The following PPARGC1A variants were observed in gnomAD, a reference collection of about 807,000 sequenced individuals.
PPARGC1A encodes the protein PPARG coactivator 1 alpha, also known as peroxisome proliferator-activated receptor gamma coactivator 1-alpha.
A neutral mutation model predicts 88.7 loss-of-function variants in PPARGC1A; 25 were observed. The observed-to-expected ratio is 0.28, with a 90% CI of 0.21 to 0.39. The LOEUF is 0.39. Ranked by LOEUF, PPARGC1A falls within the 10% of genes least tolerant of loss-of-function variation. The pLI, the probability that PPARGC1A is intolerant of heterozygous loss-of-function variation, is 1.00. For missense variants in PPARGC1A, 880 were observed against 968.7 expected, an observed-to-expected ratio of 0.91 and a Z score of 1.22; for synonymous variants, 363 against 355.6, an observed-to-expected ratio of 1.02 and a Z score of -0.24.
the PPARGC1A span, among the ~76,000 whole-genome samples, chr4:24,011,018 A>C: frequency 6.6e-6 from 1 of 152,068 alleles, no homozygotes; most frequent in Non-Finnish European, 1.5e-5. Flanking sequence ...TTCTCTGGGG[A>C]ATGTGCTGAG....
chr4:24,295,949 T>A, the PPARGC1A span, among the ~76,000 whole-genome samples: 1 of 150,826 alleles, frequency 6.6e-6, no homozygotes, highest in African/African-American at 2.4e-5. Context: ...ATGCCGGTAT[T>A]ATTTATCACT....
chr4:24,066,214 C>T, the PPARGC1A span, among the ~76,000 whole-genome samples: 3 of 152,108 alleles, frequency 2.0e-5, no homozygotes, highest in African/African-American at 7.2e-5. Context: ...GAGCTCAGGG[C>T]AAATCAGGTA....
intron 2 of PPARGC1A, among the ~76,000 whole-genome samples, chr4:23,833,227 G>A (rs1349803294): frequency 6.6e-6 from 1 of 152,214 alleles, no homozygotes; most frequent in African/African-American, 2.4e-5. Flanking sequence ...ACAAGGCAGT[G>A]TGTGATATTC....
the PPARGC1A span, among the ~76,000 whole-genome samples, chr4:24,251,982 A>T: frequency 6.6e-6 from 1 of 152,136 alleles, no homozygotes; most frequent in Non-Finnish European, 1.5e-5. Flanking sequence ...TTTATTACTA[A>T]TATCATTACT....
chr4:23,831,627 T>A lies in PPARGC1A; in HGVS notation c.359A>T (p.Asp120Val). ...CATGGAGGAAGGACTAGCCTCATTG[T>A]CAGTGGTCACGTCTCCATCTGTCAG... ...DALTDGDVTTDNEASPSSMPD... is the reference protein window; with the variant it reads ...DALTDGDVTTVNEASPSSMPD... The change falls in exon 3 of 13, where the codon GAC becomes GTC. Residue 120 changes from aspartate (D) to valine (V), a missense_variant. By Grantham distance (152) the Asp-to-Val change is radical. Coordinates refer to ENST00000264867, the MANE Select transcript of PPARGC1A (RefSeq NM_013261.5). The A allele has an allele frequency of 6.2e-7, 1 of 1,614,178 alleles. No individual in the cohort carries two copies. Among genetic ancestry groups the A allele is most frequent in the Non-Finnish European group, 8.5e-7 (1 of 1,180,020 alleles).
the PPARGC1A span, among the ~76,000 whole-genome samples, chr4:24,467,922 G>C: frequency 1.1e-4 from 16 of 152,284 alleles, no homozygotes; most frequent in African/African-American, 3.9e-4. Flanking sequence ...AAAAAGCAGG[G>C]TCAAGCCTCG....
the PPARGC1A span, among the ~76,000 whole-genome samples, chr4:23,919,894 G>C: frequency 1.3e-5 from 2 of 152,180 alleles, no homozygotes; most frequent in South Asian, 4.1e-4. Context: ...GTGCAGTAAG[G>C]TTCTTGCTAA....
chr4:24,147,961 A>G, the PPARGC1A span, among the ~76,000 whole-genome samples: 1 of 144,822 alleles, frequency 6.9e-6, no homozygotes, highest in Non-Finnish European at 1.5e-5. Flanking sequence ...ACAAACAAAC[A>G]AAAAAAATAC....
At chr4:24,358,128 T>G in the PPARGC1A span, among the ~76,000 whole-genome samples, 1 of 152,160 alleles carries the variant, frequency 6.6e-6, no homozygotes. Context: ...ATTATCTCCA[T>G]TTTACAGATG....
At chr4:23,935,733 A>G in the PPARGC1A span, among the ~76,000 whole-genome samples, 1 of 152,200 alleles carries the variant, frequency 6.6e-6, no homozygotes, top group African/African-American at 2.4e-5. Flanking sequence ...AGTTTAAGTG[A>G]TTTGCCTATG....
chr4:24,162,681 T>C, the PPARGC1A span, among the ~76,000 whole-genome samples: 1 of 149,136 alleles, frequency 6.7e-6, no homozygotes, highest in Non-Finnish European at 1.5e-5. Context: ...AACCTCTGCC[T>C]CCCAGGTTCA....
At chr4:24,252,866 T>G in the PPARGC1A span, among the ~76,000 whole-genome samples, 1 of 152,238 alleles carries the variant, frequency 6.6e-6, no homozygotes, top group Admixed American at 6.5e-5. Flanking sequence ...CTTGTAAGTT[T>G]GTCAGTGTAG....
chr4:24,019,942 G>A, the PPARGC1A span, among the ~76,000 whole-genome samples: 1 of 152,162 alleles, frequency 6.6e-6, no homozygotes, highest in Non-Finnish European at 1.5e-5. Context: ...ATAGAAACTG[G>A]AAACACGTGG....
chr4:23,951,807 A>G, the PPARGC1A span, among the ~76,000 whole-genome samples: 16 of 152,164 alleles, frequency 1.1e-4, no homozygotes, highest in Non-Finnish European at 2.2e-4. Context: ...CCCTACCAGA[A>G]AAGCGTTTAC....
At chr4:24,199,718 T>A in the PPARGC1A span, among the ~76,000 whole-genome samples, 1 of 152,176 alleles carries the variant, frequency 6.6e-6, no homozygotes, top group South Asian at 2.1e-4. Flanking sequence ...TGATACCAAG[T>A]GTTAGTGAGA....
intron 2 of PPARGC1A, among the ~76,000 whole-genome samples, chr4:23,844,873 T>C (rs1560429939): frequency 9.7e-5 from 7 of 72,114 alleles, no homozygotes; most frequent in African/African-American, 2.9e-4. Context: ...ATATATATTA[T>C]ATACACACAC....
intron 7 of PPARGC1A, among the ~76,000 whole-genome samples, chr4:23,823,851 A>G (rs1723434669): frequency 6.6e-6 from 1 of 152,106 alleles, no homozygotes; most frequent in South Asian, 2.1e-4. Flanking sequence ...ACTAGCAACA[A>G]TGACCACGGT....
chr4:24,013,743 T>C, the PPARGC1A span, among the ~76,000 whole-genome samples: 168 of 152,330 alleles, frequency 1.1e-3, no homozygotes, highest in South Asian at 3.3e-3. Context: ...CAAAAGGAAA[T>C]GCAATAATTG....
chr4:24,121,469 A>C, the PPARGC1A span, among the ~76,000 whole-genome samples: 1 of 152,112 alleles, frequency 6.6e-6, no homozygotes, highest in Non-Finnish European at 1.5e-5. Context: ...GACCACGTGA[A>C]TATCACTAAG....
Sources: allele counts gnomAD v4.1 joint callset (sites outside exome capture counted in the v4.1 genomes callset), GRCh38; gene constraint gnomAD v4.1.1; transcripts MANE v1.5; gene names NCBI Gene and HGNC (gene_info 2026-07-23, HGNC 2026-07-21).